The following NEDD9 variants were observed in gnomAD, a reference collection of about 807,000 sequenced individuals.
NEDD9 encodes the protein neural precursor cell expressed, developmentally down-regulated 9, also known as enhancer of filamentation 1.
Under a neutral mutation model 76.6 loss-of-function variants are expected in NEDD9, and 26 were observed. The ratio of observed to expected loss-of-function variants is 0.34; its 90% confidence interval spans 0.25 to 0.47. The LOEUF (loss-of-function observed/expected upper bound fraction) is 0.47. Ranked by LOEUF, NEDD9 falls within the 20% of genes least tolerant of loss-of-function variation. The probability of loss-of-function intolerance (pLI) is 1.00; values close to 1 mark genes in which losing one functional copy is unlikely to be tolerated. For missense variants in NEDD9, 937 were observed against 1,058.5 expected, an observed-to-expected ratio of 0.89 and a Z score of 1.59; for synonymous variants, 392 against 414.2, an observed-to-expected ratio of 0.95 and a Z score of 0.65.
chr6:11,324,854 C>G (rs1199316058), intron 2 of NEDD9, among the ~76,000 whole-genome samples: 1 of 152,220 alleles, frequency 6.6e-6, no homozygotes, highest in African/African-American at 2.4e-5. Context: ...GCTTCAAACA[C>G]AAAGGCAGCA....
intron 1 of NEDD9, among the ~76,000 whole-genome samples, chr6:11,220,166 C>T (rs1259031556): frequency 6.6e-6 from 1 of 152,196 alleles, no homozygotes; most frequent in Non-Finnish European, 1.5e-5. Flanking sequence ...CCCTGGCATC[C>T]TTCTGCCCAC....
At chr6:11,246,946 C>G (rs1759823556) in intron 3 of NEDD9, among the ~76,000 whole-genome samples, 1 of 152,070 alleles carries the variant, frequency 6.6e-6, no homozygotes, top group African/African-American at 2.4e-5. Flanking sequence ...AGACGACTGC[C>G]CTGCAACCTC....
intron 1 of NEDD9, among the ~76,000 whole-genome samples, chr6:11,377,988 A>G (rs954031706): frequency 2.0e-5 from 3 of 152,132 alleles, no homozygotes; most frequent in Non-Finnish European, 4.4e-5. Flanking sequence ...CATGCCTGTA[A>G]CCCCAGCACT....
At chr6:11,325,123 A>T (rs376651237) in intron 2 of NEDD9, among the ~76,000 whole-genome samples, 1 of 152,146 alleles carries the variant, frequency 6.6e-6, no homozygotes, top group Admixed American at 6.5e-5. Flanking sequence ...TGGGAGGCCG[A>T]GGTGGTGGAT....
chr6:11,347,470 AAAAAC>A (rs1398744120), intron 1 of NEDD9, among the ~76,000 whole-genome samples: 3 of 152,158 alleles, frequency 2.0e-5, no homozygotes, highest in Admixed American at 6.5e-5. Context: ...ACACAACAAG[AAAAAC>A]AAAACAAAAC....
chr6:11,380,351 G>A (rs563780540), intron 1 of NEDD9, among the ~76,000 whole-genome samples: 1 of 152,230 alleles, frequency 6.6e-6, no homozygotes, highest in Non-Finnish European at 1.5e-5. Flanking sequence ...TCCAGGGAAG[G>A]AGAGAAGCCA....
At chr6:11,373,236 AT>A (rs1485740493) in intron 1 of NEDD9, among the ~76,000 whole-genome samples, 4 of 152,270 alleles carry the variant, frequency 2.6e-5, no homozygotes, top group African/African-American at 9.6e-5. Context: ...ATTGTATGCA[AT>A]TTGTTAATTT....
At chr6:11,307,338 G>A (rs888276144) in intron 2 of NEDD9, among the ~76,000 whole-genome samples, 5 of 151,880 alleles carry the variant, frequency 3.3e-5, no homozygotes, top group Non-Finnish European at 7.4e-5. Context: ...TTGGCTAAGA[G>A]GGGGGAAAAA....
At chr6:11,359,380 A>T (rs1762637278) in intron 1 of NEDD9, among the ~76,000 whole-genome samples, 1 of 152,256 alleles carries the variant, frequency 6.6e-6, no homozygotes. Flanking sequence ...TTCTCTGAGT[A>T]AGAGGATAGA....
chr6:11,232,795 A>G, upstream of NEDD9: 1 of 1,059,034 alleles, frequency 9.4e-7, no homozygotes, highest in South Asian at 2.0e-5. Context: ...CTGACAAAGA[A>G]CTTGTAATGT....
chr6:11,346,485 C>CG (rs200366705), intron 1 of NEDD9, among the ~76,000 whole-genome samples: 25 of 150,974 alleles, frequency 1.7e-4, no homozygotes, highest in East Asian at 9.1e-4. Context: ...AGGCCCCCCC[C>CG]CCCGAGGTGA....
At chr6:11,191,440 G>T (rs1478956860) in intron 4 of NEDD9, among the ~76,000 whole-genome samples, 1 of 151,892 alleles carries the variant, frequency 6.6e-6, no homozygotes, top group Non-Finnish European at 1.5e-5. Flanking sequence ...TGGCTAAATT[G>T]CTCACCCTGT....
rs1475149870 is a variant in NEDD9 at position 11,342,793 on chromosome 6, A to AT, written c.-213-8233dup. Among the ~76,000 whole-genome samples, 7 of 152,362 alleles carry AT rather than the reference A, an allele frequency of 4.6e-5. No individual in the cohort carries two copies. In the East Asian group the frequency reaches 1.3e-3, roughly 29 times the overall value. ...AAACATTCATACAATAGACTCAGTA[A>AT]TAAAAAAATAATGACTGATAAATGC... On this transcript the variant is annotated intron_variant, in intron 1 of 3. Transcript: ENST00000397378.
intron 1 of NEDD9, among the ~76,000 whole-genome samples, chr6:11,379,904 A>G (rs774135353): frequency 4.6e-5 from 7 of 152,208 alleles, no homozygotes; most frequent in Non-Finnish European, 1.0e-4. Context: ...AAATTCTCCT[A>G]TTTGTGTTCC....
At chr6:11,348,108 A>C (rs1762397841) in intron 1 of NEDD9, among the ~76,000 whole-genome samples, 1 of 152,218 alleles carries the variant, frequency 6.6e-6, no homozygotes, top group Non-Finnish European at 1.5e-5. Flanking sequence ...TACAAAATTG[A>C]TGTACAAAAA....
intron 5 of NEDD9, among the ~76,000 whole-genome samples, 191 bp from the exon 6 acceptor site, chr6:11,188,498 G>C (rs1758033438): frequency 6.6e-6 from 1 of 152,178 alleles, no homozygotes. Flanking sequence ...CATATAGGGT[G>C]CCAGCTTTCT....
At chr6:11,372,196 T>C (rs1292945575) in intron 1 of NEDD9, among the ~76,000 whole-genome samples, 1 of 151,706 alleles carries the variant, frequency 6.6e-6, no homozygotes, top group Non-Finnish European at 1.5e-5. Context: ...TGTCTGTCTT[T>C]ATGAGTTCAA....
At chr6:11,246,377 T>G (rs1759808168) in intron 3 of NEDD9, among the ~76,000 whole-genome samples, 1 of 152,072 alleles carries the variant, frequency 6.6e-6, no homozygotes, top group East Asian at 1.9e-4. Flanking sequence ...TGGGTTCCAG[T>G]GACAGGCAAA....
Position 11,232,641 on chromosome 6 carries a change from T to A in NEDD9, c.-126A>T. On this transcript the variant is annotated 5_prime_UTR_variant, in exon 1 of 7. Coordinates refer to ENST00000379446, the MANE Select transcript of NEDD9 (RefSeq NM_006403.4). ...AGAAGGTCCCGGGCAGAGCCGCTTGTCAGTCGCAGCGCCTCCCTCAAGTCT... is the reference window on the plus strand; with the variant it reads ...AGAAGGTCCCGGGCAGAGCCGCTTGACAGTCGCAGCGCCTCCCTCAAGTCT... 1 of 1,572,012 alleles carries A rather than the reference T, an allele frequency of 6.4e-7. No individual in the cohort carries two copies.
Sources: allele counts gnomAD v4.1 joint callset (sites outside exome capture counted in the v4.1 genomes callset), GRCh38; gene constraint gnomAD v4.1.1; transcripts MANE v1.5; gene names NCBI Gene and HGNC (gene_info 2026-07-23, HGNC 2026-07-21).